Variants in SVIL observed in about 807,000 individuals in gnomAD.
SVIL encodes supervillin, also known as archvillin.
A neutral mutation model predicts 240.4 loss-of-function variants in SVIL; 101 were observed. The ratio of observed to expected loss-of-function variants is 0.42; its 90% confidence interval spans 0.36 to 0.50. The LOEUF is 0.50. SVIL is among the 20% of genes least tolerant of loss of function. SVIL has a pLI of 0.01. For missense variants in SVIL, 2,512 were observed against 2,818.7 expected, an observed-to-expected ratio of 0.89 and a Z score of 2.46; for synonymous variants, 999 against 1,100.0, an observed-to-expected ratio of 0.91 and a Z score of 1.82.
chr10:29,707,495 C>T (rs1224910984), intron 1 of SVIL, among the ~76,000 whole-genome samples: 3 of 151,990 alleles, frequency 2.0e-5, no homozygotes, highest in African/African-American at 7.2e-5. Flanking sequence ...ATTTTGTATC[C>T]TAAGTAAATG....
Position 29,634,448 on chromosome 10 carries a change from C to G in SVIL, c.-229G>C, listed in dbSNP as rs1282182982. 4 of 152,102 alleles carry G rather than the reference C, an allele frequency of 2.6e-5. No individual in the cohort carries two copies. The highest frequency in any genetic ancestry group is 6.6e-5 in the Admixed American group (1 of 15,264). The allele number at this position is 152,102 out of a possible 1,614,324, so 9.4% of individuals were successfully genotyped here. On this transcript the variant is annotated 5_prime_UTR_variant, in exon 1 of 38. Transcript: ENST00000355867. ...AAATTTCTGTATAATCCTCGTTCCT[C>G]TAAGTTAAAGGGGGAAAGAAAATCA... is the stretch of plus-strand genomic sequence containing the variant.
chr10:29,459,542 C>T (rs80032332), intron 36 of SVIL, among the ~76,000 whole-genome samples: 6,014 of 152,256 alleles, frequency 0.039, 399 homozygotes, highest in African/African-American at 0.13. Context: ...CTTCCCTCCC[C>T]TGGCCCCATT....
chr10:29,550,635 G>A lies in SVIL; in HGVS notation c.789C>T (p.Ser263=). Residue 263 remains serine, a synonymous_variant, in exon 6 of 38, where the codon TCC becomes TCT. Transcript: ENST00000355867. ...SLQQAASRSP[S]FGDPQLSPEA... is the part of the protein sequence containing the mutation. ...CAGGGGATAGCTGTGGGTCACCAAA[G>A]GAGGGGCTCCGGGAGGCTGCCTGCT... 6.2e-7 allele frequency: 1 copy of A among 1,613,504 alleles called. No individual in the cohort carries two copies. Among genetic ancestry groups the A allele is most frequent in the Non-Finnish European group, 8.5e-7 (1 of 1,179,724 alleles).
intron 3 of SVIL, among the ~76,000 whole-genome samples, chr10:29,556,086 TGAGGTTGGGAGATTCTCACATGATAC>T (rs1953907481): frequency 1.3e-5 from 2 of 152,360 alleles, no homozygotes; most frequent in South Asian, 4.1e-4. Context: ...AACGCTGTGC[TGAGGTTGGGAGATTCTCACATGATAC>T]TGACTACAAG....
At chr10:29,471,318 G>T in intron 30 of SVIL, 75 bp from the exon 31 acceptor site, 1 of 1,160,078 alleles carries the variant, frequency 8.6e-7, no homozygotes, top group Non-Finnish European at 1.2e-6. Flanking sequence ...CATGCCTCTT[G>T]CAGAAAATCT....
At chr10:29,653,686 A>G (rs1010378201) in intron 3 of SVIL, among the ~76,000 whole-genome samples, 1 of 152,158 alleles carries the variant, frequency 6.6e-6, no homozygotes, top group African/African-American at 2.4e-5. Context: ...GCTTACCTTT[A>G]AGCCTCTTAT....
intron 1 of SVIL, among the ~76,000 whole-genome samples, chr10:29,625,463 A>T (rs192323064): frequency 0.034 from 5,176 of 151,728 alleles, 193 homozygotes; most frequent in African/African-American, 0.088. Flanking sequence ...ATATATATAT[A>T]TTTTTTTTCC....
intron 1 of SVIL, among the ~76,000 whole-genome samples, chr10:29,711,227 CT>C (rs1305257836): frequency 2.0e-5 from 3 of 151,964 alleles, no homozygotes; most frequent in African/African-American, 7.3e-5. Context: ...TGGTGAAACC[CT>C]GTCTCTACTA....
At chr10:29,685,938 G>C (rs1422326183) in intron 2 of SVIL, among the ~76,000 whole-genome samples, 3 of 152,100 alleles carry the variant, frequency 2.0e-5, no homozygotes, top group Non-Finnish European at 4.4e-5. Flanking sequence ...CTTCGTCCAG[G>C]CCAGGCAACC....
intron 17 of SVIL, among the ~76,000 whole-genome samples, chr10:29,501,497 A>T (rs1335634213): frequency 1.3e-5 from 2 of 151,964 alleles, no homozygotes; most frequent in Non-Finnish European, 2.9e-5. Context: ...GAGGGGGGCC[A>T]ATGTCAACAA....
At position 29,552,253 on chromosome 10, in the gene SVIL, G is replaced by A. The variant is rs181323435; in HGVS notation, c.161-990C>T. Among the ~76,000 whole-genome samples the A allele has an allele frequency of 1.7e-3, 251 of 151,056 alleles. 2 individuals are homozygous for A. The highest frequency in any genetic ancestry group is 6.0e-3 in the African/African-American group (245 of 41,142). ...TTAATGTTCTATAAAAATATTTTCC[G>A]TATTCTATAAAAATGTTTTCCCAGC... is the stretch of plus-strand genomic sequence containing the variant. On this transcript the variant is annotated intron_variant, in intron 5 of 37. Coordinates refer to ENST00000355867, the MANE Select transcript of SVIL (RefSeq NM_021738.3).
At chr10:29,682,935 A>C (rs985569246) in intron 2 of SVIL, among the ~76,000 whole-genome samples, 3 of 152,176 alleles carry the variant, frequency 2.0e-5, no homozygotes, top group Non-Finnish European at 4.4e-5. Flanking sequence ...ATTCTAAGTC[A>C]GGTGTTGATA....
intron 16 of SVIL, among the ~76,000 whole-genome samples, chr10:29,516,056 C>T (rs1316026038): frequency 2.0e-5 from 3 of 152,204 alleles, no homozygotes; most frequent in East Asian, 1.9e-4. Flanking sequence ...CTGCAGCCCT[C>T]GCCTGCCTGT....
chr10:29,495,548 G>A (rs112275270), intron 18 of SVIL, among the ~76,000 whole-genome samples: 5,933 of 152,266 alleles, frequency 0.039, 370 homozygotes, highest in African/African-American at 0.13. Context: ...TGCAGAATGA[G>A]CTGTGTCACA....
chr10:29,709,070 G>A (rs746495497), intron 1 of SVIL, among the ~76,000 whole-genome samples: 6 of 152,136 alleles, frequency 3.9e-5, no homozygotes, highest in Non-Finnish European at 7.4e-5. Context: ...CCTAACATTT[G>A]ACCAATCAGA....
At chr10:29,487,439 G>A (rs1947518682) in intron 23 of SVIL, 140 bp from the exon 24 acceptor site, 1 of 927,548 alleles carries the variant, frequency 1.1e-6, no homozygotes, top group South Asian at 1.9e-5. Context: ...GGCCCAGGGT[G>A]GCAGCAGGGG....
chr10:29,521,046 G>A (rs1950531086), intron 16 of SVIL, among the ~76,000 whole-genome samples: 1 of 151,698 alleles, frequency 6.6e-6, no homozygotes, highest in Admixed American at 6.6e-5. Flanking sequence ...ACACGGTGAA[G>A]CCCCAACTCT....
intron 1 of SVIL, among the ~76,000 whole-genome samples, chr10:29,586,917 A>G (rs61364062): frequency 0.14 from 21,732 of 152,036 alleles, 2,055 homozygotes; most frequent in African/African-American, 0.27. Context: ...AGGAGGGAGA[A>G]GATTATGAAA....
intron 1 of SVIL, among the ~76,000 whole-genome samples, chr10:29,734,554 C>G (rs536935343): frequency 5.9e-5 from 9 of 152,292 alleles, no homozygotes; most frequent in Admixed American, 4.6e-4. Context: ...AAATGAAGAG[C>G]CTTCCACATT....
Sources: gnomAD v4.1 joint callset for allele counts (sites outside exome capture counted in the v4.1 genomes callset) on GRCh38, gnomAD v4.1.1 for gene constraint, MANE v1.5 for transcripts, NCBI Gene and HGNC (gene_info 2026-07-23, HGNC 2026-07-21) for gene names.